SPECC1: variants seen among roughly 807,000 people sequenced by gnomAD.
The protein encoded by SPECC1 is cytospin-B.
SPECC1 carries 62 observed loss-of-function variants against 104.1 expected under a neutral mutation model. The ratio of observed to expected loss-of-function variants is 0.60; its 90% CI spans 0.49 to 0.74. SPECC1 has a LOEUF of 0.74. Ranked by LOEUF, SPECC1 falls within the 30% of genes least tolerant of loss-of-function variation. The pLI is 0.00. For synonymous variants in SPECC1, 513 were observed against 501.6 expected (o/e 1.02, Z -0.30); for missense variants, 1,306 against 1,310.5 (o/e 1.00, Z 0.05).
At chr17:20,280,060 A>G (rs1252027128) in intron 12 of SPECC1, among the ~76,000 whole-genome samples, 1 of 152,234 alleles carries the variant, frequency 6.6e-6, no homozygotes, top group African/African-American at 2.4e-5. Context: ...GGCAGAATCC[A>G]TCAAAATGGA....
In SPECC1 at chr17:20,096,554, T is replaced by G. The variant is rs530882078; in HGVS notation, c.-21-77T>G. On this transcript the variant is annotated intron_variant, in intron 1 of 14. Transcript: ENST00000395527. ...TGATAGTTCATGGTGACGTGGTATG[T>G]GGGGTGTAAAGTGTGATGATGTCAT... 6.9e-6 allele frequency: 10 copies of G among 1,454,838 alleles called. No homozygotes were observed. The Admixed American group carries it at 1.4e-4, about 21-fold the overall frequency. The allele number at this position is 1,454,838 out of a possible 1,614,324, so 90.1% of individuals were successfully genotyped here.
At chr17:20,102,651 A>T (rs1352504868) in intron 2 of SPECC1, among the ~76,000 whole-genome samples, 3 of 152,080 alleles carry the variant, frequency 2.0e-5, no homozygotes, top group Non-Finnish European at 4.4e-5. Context: ...TTTACTGAAT[A>T]TTGTTCTTGG....
chr17:20,306,794 G>A (rs140703568), intron 14 of SPECC1, among the ~76,000 whole-genome samples: 1 of 152,334 alleles, frequency 6.6e-6, no homozygotes, highest in Non-Finnish European at 1.5e-5. Flanking sequence ...CTTAGATGCA[G>A]GAAGCCCCTG....
At chr17:20,301,137 C>A (rs2041563020) in intron 13 of SPECC1, among the ~76,000 whole-genome samples, 1 of 152,080 alleles carries the variant, frequency 6.6e-6, no homozygotes, top group South Asian at 2.1e-4. Context: ...GTGAGAGAGG[C>A]CATATCTATC....
chr17:20,091,909 C>G (rs917170922), intron 1 of SPECC1, among the ~76,000 whole-genome samples: 4 of 152,076 alleles, frequency 2.6e-5, no homozygotes, highest in Non-Finnish European at 4.4e-5. Context: ...AAGCTGAGGC[C>G]CGAGATAACC....
At chr17:20,289,675 A>C (rs1200236401) in intron 12 of SPECC1, among the ~76,000 whole-genome samples, 1 of 152,214 alleles carries the variant, frequency 6.6e-6, no homozygotes, top group East Asian at 1.9e-4. Context: ...GACAGTGCAC[A>C]CGGCTTTGAA....
At chr17:20,238,912 A>G (rs2151510291) in intron 7 of SPECC1, 2 of 1,042,188 alleles carry the variant, frequency 1.9e-6, no homozygotes, top group African/African-American at 1.7e-5. Flanking sequence ...CTTAGTTTTA[A>G]TCACCAGCTA....
intron 1 of SPECC1, among the ~76,000 whole-genome samples, chr17:20,095,199 T>C (rs192065540): frequency 6.6e-6 from 1 of 152,310 alleles, no homozygotes; most frequent in East Asian, 1.9e-4. Context: ...AGAAAAATAA[T>C]CGGTGCTGAA....
chr17:20,143,278 C>T (rs909023439), intron 3 of SPECC1, among the ~76,000 whole-genome samples: 2 of 150,540 alleles, frequency 1.3e-5, no homozygotes, highest in Non-Finnish European at 3.0e-5. Flanking sequence ...CCCAGCTACT[C>T]AGGAGGCTGA....
intron 1 of SPECC1, among the ~76,000 whole-genome samples, chr17:20,045,081 C>G (rs62067483): frequency 1.3e-5 from 2 of 152,114 alleles, no homozygotes; most frequent in Non-Finnish European, 2.9e-5. Context: ...TATAGATATA[C>G]AACTTAGTAA....
At chr17:20,245,392 G>T (rs540650550) in intron 7 of SPECC1, among the ~76,000 whole-genome samples, 27 of 152,204 alleles carry the variant, frequency 1.8e-4, no homozygotes, top group African/African-American at 5.5e-4. Flanking sequence ...CCGGTGCCCT[G>T]CCTCTCTTCC....
At chr17:20,238,190 A>G (rs1458678404) in intron 7 of SPECC1, 1 of 1,037,112 alleles carries the variant, frequency 9.6e-7, no homozygotes, top group Non-Finnish European at 1.2e-6. Context: ...GATGTTATTA[A>G]GCCGGATAGG....
At position 20,317,436 on chromosome 17, in the gene SPECC1, T is replaced by A. The variant is rs2042055327; in HGVS notation, c.*3371T>A. On this transcript the variant is annotated 3_prime_UTR_variant, in exon 15 of 15. Transcript: ENST00000395527. Reference sequence around the variant, plus strand: ...CCACCATGCCTGGCATATTTTTGTATTTTTAGTAGAAACAGTTTCACCATG... The same window carrying A: ...CCACCATGCCTGGCATATTTTTGTAATTTTAGTAGAAACAGTTTCACCATG... 2.3e-5 allele frequency: 4 copies of A among 176,812 alleles called. No individual in the cohort carries two copies. The highest frequency in any genetic ancestry group is 1.9e-4 in the Admixed American group (3 of 15,744). The allele number at this position is 176,812 out of a possible 1,614,324, so 11.0% of individuals were successfully genotyped here. A position where few individuals can be genotyped will look rare whatever the true frequency, so the allele number is the denominator to read the frequency against.
At chr17:20,237,783 C>T (rs1198611796) in intron 7 of SPECC1, 3 of 191,060 alleles carry the variant, frequency 1.6e-5, no homozygotes, top group Middle Eastern at 1.8e-3. Flanking sequence ...ACTCTTGTTG[C>T]CCAGGCTAGA....
chr17:20,281,359 G>A (rs908456905), intron 12 of SPECC1, among the ~76,000 whole-genome samples: 5 of 152,116 alleles, frequency 3.3e-5, no homozygotes, highest in African/African-American at 4.8e-5. Flanking sequence ...GCAGTGGCTC[G>A]CCCTTTCCTG....
chr17:20,181,984 A>G (rs1051356086), intron 3 of SPECC1, among the ~76,000 whole-genome samples: 3 of 152,192 alleles, frequency 2.0e-5, no homozygotes, highest in Admixed American at 6.5e-5. Context: ...ATTTTTCATT[A>G]GGAAAAAAGG....
Position 20,089,930 on chromosome 17 carries a change from T to G in SPECC1, c.-21-6701T>G, listed in dbSNP as rs1008586224. On this transcript the variant is annotated intron_variant, in intron 1 of 14. Coordinates refer to ENST00000395527, the MANE Select transcript of SPECC1 (RefSeq NM_001243439.2). ...TGTGCCGATGACAGAAATAGGGAAG[T>G]CCGGGCTGAAGCTGGTTATTCAGGG... Among the ~76,000 whole-genome samples the G allele has an allele frequency of 3.3e-5, 5 of 152,092 alleles. 1 individual carries two copies. Among genetic ancestry groups the G allele is most frequent in the Non-Finnish European group, 7.4e-5 (5 of 68,012 alleles).
intron 1 of SPECC1, chr17:20,086,939 G>A (rs2047202777): frequency 6.6e-6 from 1 of 152,198 alleles, no homozygotes; most frequent in South Asian, 2.1e-4. Flanking sequence ...TGGCCTGCCT[G>A]TTGCCTGGGA....
chr17:20,055,044 CT>C (rs2045909422), intron 1 of SPECC1, among the ~76,000 whole-genome samples: 1 of 152,168 alleles, frequency 6.6e-6, no homozygotes, highest in South Asian at 2.1e-4. Flanking sequence ...GCTTATTCAT[CT>C]TACTTAACTG....
Sources: gnomAD v4.1 joint callset for allele counts (sites outside exome capture counted in the v4.1 genomes callset) on GRCh38, gnomAD v4.1.1 for gene constraint, MANE v1.5 for transcripts, NCBI Gene and HGNC (gene_info 2026-07-23, HGNC 2026-07-21) for gene names.